Variants in TTF2 observed in about 807,000 individuals in gnomAD.
TTF2 encodes transcription termination factor 2, also known as RNA polymerase II termination factor.
Under a neutral mutation model 142.4 loss-of-function variants are expected in TTF2, and 108 were observed. That is an observed-to-expected ratio of 0.76 (90% CI 0.65 to 0.89). The LOEUF (loss-of-function observed/expected upper bound fraction) is 0.89, where lower values mean the gene tolerates loss of function less well. Among genes scored for constraint, TTF2 ranks in the 40% least tolerant of loss-of-function variants. The probability of loss-of-function intolerance (pLI) is 0.00; values close to 1 mark genes in which losing one functional copy is unlikely to be tolerated. For missense variants in TTF2, 1,327 were observed against 1,379.8 expected (o/e 0.96, Z 0.61); for synonymous variants, 483 against 506.2 (o/e 0.95, Z 0.61).
chr1:117,065,535 T>C (rs1029216394), intron 3 of TTF2, among the ~76,000 whole-genome samples: 4 of 152,066 alleles, frequency 2.6e-5, no homozygotes, highest in Non-Finnish European at 5.9e-5. Flanking sequence ...AGGCAGAGCT[T>C]ACAGTGAGCC....
At chr1:117,074,434 A>T (rs1204277453) in intron 4 of TTF2, among the ~76,000 whole-genome samples, 1 of 152,190 alleles carries the variant, frequency 6.6e-6, no homozygotes, top group African/African-American at 2.4e-5. Context: ...AAGCTTCGAA[A>T]GTATCGTGAA....
Position 117,076,705 on chromosome 1 carries a change from C to T in TTF2, c.1455C>T (p.Gly485=), listed in dbSNP as rs759789310. The T allele has an allele frequency of 6.2e-7, 1 of 1,613,978 alleles. No homozygotes were observed. The highest frequency in any genetic ancestry group is 8.5e-7 in the Non-Finnish European group (1 of 1,179,990). Residue 485 remains glycine (G), a synonymous_variant, in exon 7 of 23, where the codon GGC becomes GGT. Coordinates refer to ENST00000369466, the MANE Select transcript of TTF2 (RefSeq NM_003594.4). The surrounding 1 kb of genome is among the most constrained non-coding windows in gnomAD (Gnocchi z 4.6). The stretch of plus-strand genomic sequence containing the variant: ...GTCACTTCACCAAAACTACCACTGG[C>T]CCTCCCCACCTGGTGCCTCCCCAAC... ...QQSHFTKTTT[G]PPHLVPPQPL...
At chr1:117,095,448 G>T in intron 19 of TTF2, 81 bp downstream of exon 19, 4 of 1,320,890 alleles carry the variant, frequency 3.0e-6, no homozygotes, top group Non-Finnish European at 4.4e-6. Flanking sequence ...ATAAATCAAG[G>T]ACTGTGAGTC....
rs144174157 is a variant in TTF2 at position 117,092,928 on chromosome 1, C to T, written c.2976+27C>T. ...TACTTTTTGTCTCCTCTGTAGTAGTCGAGAGACTTCGATTCCTCACACATT... is the reference window on the plus strand; with the variant it reads ...TACTTTTTGTCTCCTCTGTAGTAGTTGAGAGACTTCGATTCCTCACACATT... On this transcript the variant is annotated intron_variant, in intron 18 of 22. Coordinates refer to ENST00000369466, the MANE Select transcript of TTF2 (RefSeq NM_003594.4). The surrounding 1 kb of genome is among the most constrained non-coding windows in gnomAD (Gnocchi z 4.4). 43 of 1,611,168 alleles carry T rather than the reference C, an allele frequency of 2.7e-5. No individual in the cohort carries two copies. In the African/African-American group the frequency reaches 3.3e-4, roughly 13 times the overall value.
chr1:117,077,833 G>C lies in TTF2; in HGVS notation c.1574-83G>C, dbSNP rs1657137424. Reference sequence around the variant, plus strand: ...CAAGGAGGGTAAGAAACAGATACAGGGCCATTTGTAGCTAAGTTCACTCTA... The same window carrying C: ...CAAGGAGGGTAAGAAACAGATACAGCGCCATTTGTAGCTAAGTTCACTCTA... On this transcript the variant is annotated intron_variant, in intron 7 of 22. Transcript: ENST00000369466. 3 of 1,551,320 alleles carry C rather than the reference G, an allele frequency of 1.9e-6. No homozygotes were observed. The East Asian group carries it at 6.8e-5, about 35-fold the overall frequency.
In TTF2 at chr1:117,075,773, C is replaced by A; in HGVS notation, c.1189C>A (p.Pro397Thr). 1.2e-6 allele frequency: 2 copies of A among 1,614,246 alleles called. No homozygotes were observed. The highest frequency in any genetic ancestry group is 1.7e-6 in the Non-Finnish European group (2 of 1,180,036). Residue 397 changes from proline (P) to threonine (T), a missense_variant, in exon 5 of 23, where the codon CCT (proline) becomes ACT (threonine). Pro to Thr is a conservative substitution (Grantham distance 38, BLOSUM62 -1). Coordinates refer to ENST00000369466, the MANE Select transcript of TTF2 (RefSeq NM_003594.4). The surrounding 1 kb of genome is among the most constrained non-coding windows in gnomAD (Gnocchi z 4.5). ...PDRSVQRKVS[P>T]ASGVSKKVEP... The stretch of plus-strand genomic sequence containing the variant: ...TCGAAGTGTGCAAAGAAAGGTGTCT[C>A]CTGCCTCAGGTGTTTCCAAGAAGGT...
Position 117,076,141 on chromosome 1 carries a change from G to A in TTF2, c.1276-39G>A. The A allele has an allele frequency of 6.4e-7, 1 of 1,571,428 alleles. No homozygotes were observed. The highest frequency in any genetic ancestry group is 1.4e-5 in the African/African-American group (1 of 74,020). ...AATCTGAAACTATTCATCTAACAGT[G>A]TGAGAGGAGAGATCCATTTGATGGA... On this transcript the variant is annotated intron_variant, in intron 5 of 22. Coordinates refer to ENST00000369466, the MANE Select transcript of TTF2 (RefSeq NM_003594.4). The surrounding 1 kb of genome is among the most constrained non-coding windows in gnomAD (Gnocchi z 4.6).
Position 117,093,118 on chromosome 1 carries a change from A to G in TTF2, c.2976+217A>G, listed in dbSNP as rs1347838380. Among the ~76,000 whole-genome samples the G allele has an allele frequency of 6.6e-6, 1 of 152,202 alleles. No homozygotes were observed. Among genetic ancestry groups the G allele is most frequent in the Non-Finnish European group, 1.5e-5 (1 of 68,030 alleles). On this transcript the variant is annotated intron_variant, in intron 18 of 22. Transcript: ENST00000369466. The surrounding 1 kb of genome is among the most constrained non-coding windows in gnomAD (Gnocchi z 4.5). Reference sequence around the variant, plus strand: ...CTACATAGGGGACTTTGAGAGAGTAATTTGGGACAACCCCAGCATTGCACT... The same window carrying G: ...CTACATAGGGGACTTTGAGAGAGTAGTTTGGGACAACCCCAGCATTGCACT...
intron 4 of TTF2, among the ~76,000 whole-genome samples, chr1:117,074,092 T>C (rs954800797): frequency 2.0e-5 from 3 of 152,206 alleles, no homozygotes; most frequent in African/African-American, 7.2e-5. Context: ...GCTCCTAGTA[T>C]GTTAGAACTA....
chr1:117,077,459 G>C (rs995444276), intron 7 of TTF2, among the ~76,000 whole-genome samples: 1 of 152,194 alleles, frequency 6.6e-6, no homozygotes, highest in Non-Finnish European at 1.5e-5. Flanking sequence ...TTATGAGGTA[G>C]GCAGACCTGC....
chr1:117,088,869 G>A lies in TTF2; in HGVS notation c.2229G>A (p.Lys743=). Reference sequence around the variant, plus strand: ...TATTGGATGAAGCTCACAATGTTAAGAATCCCCGAGTGCAGACTTCCATAG... The same window carrying A: ...TATTGGATGAAGCTCACAATGTTAAAAATCCCCGAGTGCAGACTTCCATAG... ...RIILDEAHNV[K]NPRVQTSIAV... is the part of the protein sequence containing the mutation. The change falls in exon 13 of 23, where the codon AAG becomes AAA. Residue 743 remains lysine (K), a synonymous_variant. Coordinates refer to ENST00000369466, the MANE Select transcript of TTF2 (RefSeq NM_003594.4). 1 of 1,614,186 alleles carries A rather than the reference G, an allele frequency of 6.2e-7. No homozygotes were observed. The highest frequency in any genetic ancestry group is 8.5e-7 in the Non-Finnish European group (1 of 1,180,032).
rs551674001 is a variant in TTF2 at position 117,086,788 on chromosome 1, A to C, written c.2160+266A>C. On this transcript the variant is annotated intron_variant, in intron 12 of 22. Coordinates refer to ENST00000369466, the MANE Select transcript of TTF2 (RefSeq NM_003594.4). This position sits in a 1 kb window ranked among gnomAD's most constrained non-coding sequence, Gnocchi z 4.2. ...CTGCATTGTATTTGTGGGGGTAATA[A>C]TCACCTGAATATATAAAAGCCTTAC... is the stretch of plus-strand genomic sequence containing the variant. Among the ~76,000 whole-genome samples the C allele has an allele frequency of 3.2e-4, 48 of 152,292 alleles. No individual in the cohort carries two copies. Among genetic ancestry groups the C allele is most frequent in the African/African-American group, 1.2e-3 (48 of 41,560 alleles).
Position 117,079,782 on chromosome 1 carries a change from G to A in TTF2, c.1783+133G>A. The A allele has an allele frequency of 1.2e-6, 1 of 861,710 alleles. No individual in the cohort carries two copies. Among genetic ancestry groups the A allele is most frequent in the Non-Finnish European group, 1.8e-6 (1 of 542,062 alleles). The allele number at this position is 861,710 out of a possible 1,614,324, so 53.4% of individuals were successfully genotyped here. On this transcript the variant is annotated intron_variant, in intron 9 of 22. Coordinates refer to ENST00000369466, the MANE Select transcript of TTF2 (RefSeq NM_003594.4). The surrounding 1 kb of genome is among the most constrained non-coding windows in gnomAD (Gnocchi z 4.2). ...TATTATTCCTCATTTTACAGATGATGAAAGTGAAGCATGGAAGTGTTAAGC... is the reference window on the plus strand; with the variant it reads ...TATTATTCCTCATTTTACAGATGATAAAAGTGAAGCATGGAAGTGTTAAGC...
chr1:117,089,612 CCAGGAGT>C (rs1247394296), intron 13 of TTF2, among the ~76,000 whole-genome samples: 1 of 151,928 alleles, frequency 6.6e-6, no homozygotes. Flanking sequence ...TCGCTTGAGC[CCAGGAGT>C]TCAAGGCTGC....
At chr1:117,060,774 C>A (rs1010082194) in intron 2 of TTF2, among the ~76,000 whole-genome samples, 31 of 152,206 alleles carry the variant, frequency 2.0e-4, no homozygotes, top group African/African-American at 7.5e-4. Context: ...TGGTTACCCC[C>A]CTCTCTGGGC....
At position 117,075,153 on chromosome 1, in the gene TTF2, T is replaced by C. The variant is rs1557808743; in HGVS notation, c.569T>C (p.Val190Ala). ...SGLVPKKKQS[V>A]VQEKKQEEGA... ...CTGGTACCAAAGAAAAAACAATCTG[T>C]AGTTCAAGAGAAGAAGCAAGAAGAG... The change falls in exon 5 of 23, where the codon GTA becomes GCA. Residue 190 changes from valine (V) to alanine (A), a missense_variant. Physicochemically the swap from Val to Ala is moderately conservative, Grantham distance 64. Transcript: ENST00000369466. The surrounding 1 kb of genome is among the most constrained non-coding windows in gnomAD (Gnocchi z 4.5). 1 of 1,614,066 alleles carries C rather than the reference T, an allele frequency of 6.2e-7. No homozygotes were observed. The highest frequency in any genetic ancestry group is 8.5e-7 in the Non-Finnish European group (1 of 1,180,016).
rs1251396479 is a variant in TTF2 at position 117,102,474 on chromosome 1, T to C, written c.*950T>C. 6.6e-6 allele frequency: 1 copy of C among 152,228 alleles called. No homozygotes were observed. The highest frequency in any genetic ancestry group is 6.5e-5 in the Admixed American group (1 of 15,288). The allele number at this position is 152,228 out of a possible 1,614,324, so 9.4% of individuals were successfully genotyped here. On this transcript the variant is annotated 3_prime_UTR_variant, in exon 23 of 23. Coordinates refer to ENST00000369466, the MANE Select transcript of TTF2 (RefSeq NM_003594.4). ...GTGTCAGTGTATCATTTAGTATTTGTATCACTGTACCATTTAGTGTTGTAT... is the reference window on the plus strand; with the variant it reads ...GTGTCAGTGTATCATTTAGTATTTGCATCACTGTACCATTTAGTGTTGTAT...
At chr1:117,072,206 T>G (rs939371174) in intron 3 of TTF2, among the ~76,000 whole-genome samples, 1 of 152,132 alleles carries the variant, frequency 6.6e-6, no homozygotes, top group Non-Finnish European at 1.5e-5. Flanking sequence ...TAAATCTGTA[T>G]TCAGCCTTCT....
At chr1:117,062,105 G>A (rs114991716) in intron 2 of TTF2, among the ~76,000 whole-genome samples, 2,117 of 152,270 alleles carry the variant, frequency 0.014, 23 homozygotes, top group Non-Finnish European at 0.021. Context: ...TATGTCATTC[G>A]TAGGGGGATC....
Sources: allele counts gnomAD v4.1 joint callset (sites outside exome capture counted in the v4.1 genomes callset), GRCh38; gene constraint gnomAD v4.1.1; non-coding constraint Gnocchi (gnomAD v3.1); transcripts MANE v1.5; gene names NCBI Gene and HGNC (gene_info 2026-07-23, HGNC 2026-07-21).